MTHFD1L: variants seen among roughly 807,000 people sequenced by gnomAD.
The protein encoded by MTHFD1L is monofunctional C1-tetrahydrofolate synthase, mitochondrial.
Under a neutral mutation model 119.5 loss-of-function variants are expected in MTHFD1L, and 81 were observed. That is an observed-to-expected ratio of 0.68 (90% CI 0.57 to 0.82). The LOEUF (loss-of-function observed/expected upper bound fraction) is 0.82, where lower values mean the gene tolerates loss of function less well. MTHFD1L is among the 40% of genes least tolerant of loss of function. The pLI, the probability that MTHFD1L is intolerant of heterozygous loss-of-function variation, is 0.00. For missense variants in MTHFD1L, 1,125 were observed against 1,253.4 expected, an observed-to-expected ratio of 0.90 and a Z score of 1.55; for synonymous variants, 430 against 475.2, an observed-to-expected ratio of 0.90 and a Z score of 1.24.
chr6:151,030,971 G>A (rs935517506), intron 24 of MTHFD1L, among the ~76,000 whole-genome samples: 4 of 152,120 alleles, frequency 2.6e-5, no homozygotes, highest in African/African-American at 7.2e-5. Flanking sequence ...ACTTGAGGCC[G>A]GGAGTTTGAG....
chr6:151,097,747 T>A (rs928990609), intron 27 of MTHFD1L, among the ~76,000 whole-genome samples: 3 of 151,978 alleles, frequency 2.0e-5, no homozygotes, highest in Admixed American at 6.6e-5. Context: ...AGGAAGAGAG[T>A]GGGGTGTACT....
chr6:150,877,613 T>A (rs765090172), intron 2 of MTHFD1L, 21 bp from the exon 3 acceptor site: 2 of 1,613,618 alleles, frequency 1.2e-6, no homozygotes, highest in Non-Finnish European at 1.7e-6. Context: ...TATGTTGTTA[T>A]GTTGTTTTTA....
At chr6:150,986,737 C>T (rs1778358350) in intron 20 of MTHFD1L, among the ~76,000 whole-genome samples, 1 of 151,858 alleles carries the variant, frequency 6.6e-6, no homozygotes, top group African/African-American at 2.4e-5. Flanking sequence ...TCAAGTCTCA[C>T]TCTGTCGCCC....
At chr6:150,921,464 C>T (rs1337388084) in intron 9 of MTHFD1L, among the ~76,000 whole-genome samples, 1 of 152,152 alleles carries the variant, frequency 6.6e-6, no homozygotes, top group Non-Finnish European at 1.5e-5. Flanking sequence ...GTTGCCCAGG[C>T]TGGTCTTGAA....
rs1467477584 is a variant in MTHFD1L, at chr6:151,022,295, A to G, written c.2586+6602A>G. 22 of 289,614 alleles carry G rather than the reference A, an allele frequency of 7.6e-5. No individual in the cohort carries two copies. The Admixed American group carries it at 9.4e-4, about 12-fold the overall frequency. 17.9% of individuals were successfully genotyped at this position (289,614 alleles called of 1,614,324 possible). On this transcript the variant is annotated intron_variant, in intron 24 of 27. Coordinates refer to ENST00000367321, the MANE Select transcript of MTHFD1L (RefSeq NM_015440.5). ...CTACACCAGTTGTTGGTGGGGTGTG[A>G]GAACTATCCTTTACATGGACTTGGA...
intron 26 of MTHFD1L, among the ~76,000 whole-genome samples, chr6:151,086,286 A>C (rs1324814218): frequency 6.6e-6 from 1 of 150,506 alleles, no homozygotes; most frequent in Non-Finnish European, 1.5e-5. Context: ...CTCTCCCCTC[A>C]TCTCTCTCTC....
At chr6:150,925,974 C>A in intron 10 of MTHFD1L, 148 bp from the exon 11 acceptor site, 1 of 607,372 alleles carries the variant, frequency 1.6e-6, no homozygotes, top group Non-Finnish European at 2.9e-6. Context: ...TAATTATTAG[C>A]AGTTGTGCTT....
chr6:150,865,843 C>T lies in MTHFD1L; in HGVS notation c.21C>T (p.Leu7=). The T allele has an allele frequency of 8.0e-7, 1 of 1,247,436 alleles. No individual in the cohort carries two copies. 77.3% of individuals were successfully genotyped at this position (1,247,436 alleles called of 1,614,324 possible). Residue 7 remains leucine, a synonymous_variant, in exon 1 of 28, where the codon CTC becomes CTT. Transcript: ENST00000367321. ...GCGCCATGGGCACGCGTCTGCCGCT[C>T]GTCCTGCGCCAGCTCCGCCGCCCGC... MGTRLP[L]VLRQLRRPPQ... is the part of the protein sequence containing the mutation.
At chr6:150,871,130 TAATATA>T (rs1466810849) in intron 1 of MTHFD1L, among the ~76,000 whole-genome samples, 1 of 144,424 alleles carries the variant, frequency 6.9e-6, no homozygotes, top group Non-Finnish European at 1.5e-5. Flanking sequence ...ATATATATCT[TAATATA>T]TATATATAAG....
intron 24 of MTHFD1L, among the ~76,000 whole-genome samples, chr6:151,027,963 C>T (rs937476384): frequency 6.6e-6 from 1 of 152,152 alleles, no homozygotes; most frequent in Non-Finnish European, 1.5e-5. Context: ...GAAACAGTGT[C>T]ATACCTGTGG....
chr6:150,933,630 C>T (rs550221730), intron 11 of MTHFD1L, among the ~76,000 whole-genome samples: 6 of 152,196 alleles, frequency 3.9e-5, no homozygotes, highest in East Asian at 1.9e-4. Context: ...TGGGTACCAG[C>T]GACCTCCTTG....
intron 18 of MTHFD1L, among the ~76,000 whole-genome samples, chr6:150,961,514 T>A (rs947156195): frequency 6.6e-6 from 1 of 152,238 alleles, no homozygotes; most frequent in Non-Finnish European, 1.5e-5. Flanking sequence ...AATTTAAGTT[T>A]ACTTTCCCAT....
At chr6:150,869,782 T>C (rs781588731) in intron 1 of MTHFD1L, among the ~76,000 whole-genome samples, 1 of 152,116 alleles carries the variant, frequency 6.6e-6, no homozygotes, top group Non-Finnish European at 1.5e-5. Context: ...GGAATAGACA[T>C]CCAGGAGCGG....
At chr6:150,935,795 A>G (rs1791949948) in intron 11 of MTHFD1L, among the ~76,000 whole-genome samples, 1 of 152,172 alleles carries the variant, frequency 6.6e-6, no homozygotes, top group Non-Finnish European at 1.5e-5. Context: ...TGGTACTACC[A>G]TTTGGGGAAG....
intron 27 of MTHFD1L, among the ~76,000 whole-genome samples, chr6:151,096,177 A>G (rs1427733304): frequency 6.6e-6 from 1 of 152,176 alleles, no homozygotes; most frequent in African/African-American, 2.4e-5. Flanking sequence ...AATTTTTTCT[A>G]ATAAGTAAAG....
chr6:151,069,612 C>T (rs553907680), intron 26 of MTHFD1L, among the ~76,000 whole-genome samples: 4 of 152,174 alleles, frequency 2.6e-5, no homozygotes, highest in Admixed American at 1.3e-4. Context: ...GCAGTGGCAA[C>T]GCTCCTTCTT....
chr6:151,058,298 G>A (rs182692776), intron 26 of MTHFD1L, among the ~76,000 whole-genome samples: 16 of 152,346 alleles, frequency 1.1e-4, no homozygotes, highest in African/African-American at 2.9e-4. Flanking sequence ...AGCTGGGGCC[G>A]TGCCGGGGCT....
intron 26 of MTHFD1L, among the ~76,000 whole-genome samples, chr6:151,091,252 C>CTGGGTGCAGCATTGCTCCATGT (rs1562652308): frequency 2.9e-5 from 4 of 139,454 alleles, no homozygotes; most frequent in African/African-American, 5.5e-5. Flanking sequence ...TCGTTCCATG[C>CTGGGTGCAGCATTGCTCCATGT]GACTGGGTGC....
chr6:151,065,254 G>A (rs79369656), intron 26 of MTHFD1L, among the ~76,000 whole-genome samples: 3,830 of 152,264 alleles, frequency 0.025, 163 homozygotes, highest in African/African-American at 0.087. Context: ...GAGCATAGCC[G>A]TGCTGACCAT....
Sources: gnomAD v4.1 joint callset for allele counts (sites outside exome capture counted in the v4.1 genomes callset) on GRCh38, gnomAD v4.1.1 for gene constraint, MANE v1.5 for transcripts, NCBI Gene and HGNC (gene_info 2026-07-23, HGNC 2026-07-21) for gene names.